Variants in GLRA2 observed in about 807,000 individuals in gnomAD.
GLRA2 encodes the protein glycine receptor alpha 2, also known as glycine receptor subunit alpha-2.
A neutral mutation model predicts 31.6 loss-of-function variants in GLRA2; 11 were observed. The ratio of observed to expected loss-of-function variants is 0.35; its 90% CI spans 0.22 to 0.58. The LOEUF (loss-of-function observed/expected upper bound fraction) is 0.58. Among genes scored for constraint, GLRA2 ranks in the 20% least tolerant of loss-of-function variants. The probability of loss-of-function intolerance (pLI) is 0.84; values close to 1 mark genes in which losing one functional copy is unlikely to be tolerated. For missense variants in GLRA2, 212 were observed against 351.8 expected, an observed-to-expected ratio of 0.60 and a Z score of 3.18; for synonymous variants, 132 against 134.0, an observed-to-expected ratio of 0.99 and a Z score of 0.10.
chrX:14,523,176 C>A, the GLRA2 span, among the ~76,000 whole-genome samples: 1 of 112,151 alleles, frequency 8.9e-6, no homozygotes, highest in Non-Finnish European at 1.9e-5. Context: ...TACTCGAGCA[C>A]GTTGCATTTT....
At chrX:14,700,359 T>G (rs1245390574) in intron 8 of GLRA2, among the ~76,000 whole-genome samples, 1 of 108,491 alleles carries the variant, frequency 9.2e-6, no homozygotes. Flanking sequence ...GGGAAGGCAG[T>G]GTAAGGGAAG....
intron 4 of GLRA2, among the ~76,000 whole-genome samples, chrX:14,583,800 A>C (rs1338409571): frequency 1.8e-5 from 2 of 111,714 alleles, no homozygotes; most frequent in African/African-American, 3.2e-5. Flanking sequence ...ACACCATGGA[A>C]TACTACACAG....
intron 7 of GLRA2, among the ~76,000 whole-genome samples, chrX:14,682,605 G>T (rs958398855): frequency 9.1e-6 from 1 of 109,876 alleles, no homozygotes; most frequent in Non-Finnish European, 1.9e-5. Flanking sequence ...CAACGTGCAG[G>T]TTTGTTACAT....
chrX:14,656,044 CCTA>C (rs2090936552), intron 7 of GLRA2, among the ~76,000 whole-genome samples: 1 of 112,035 alleles, frequency 8.9e-6, no homozygotes, highest in Non-Finnish European at 1.9e-5. Flanking sequence ...CTGTCCCAGA[CCTA>C]CTGCATCACA....
At chrX:14,494,629 C>T in the GLRA2 span, among the ~76,000 whole-genome samples, 1 of 111,310 alleles carries the variant, frequency 9.0e-6, no homozygotes, top group South Asian at 3.8e-4. Flanking sequence ...TGAGGTGTTT[C>T]CTACGACTAG....
At chrX:14,535,471 GACATTCTTAGAA>G (rs1440166083) in intron 2 of GLRA2, among the ~76,000 whole-genome samples, 12 of 111,959 alleles carry the variant, frequency 1.1e-4, no homozygotes, top group Admixed American at 2.8e-4. Context: ...GTAATTGAGA[GACATTCTTAGAA>G]ACTACAGGGA....
At chrX:14,564,002 A>T (rs7474383) in intron 2 of GLRA2, among the ~76,000 whole-genome samples, 1 of 111,479 alleles carries the variant, frequency 9.0e-6, no homozygotes, top group Non-Finnish European at 1.9e-5. Context: ...ACATTCTAGA[A>T]GTTCCAGAAG....
the GLRA2 span, among the ~76,000 whole-genome samples, chrX:14,522,457 A>C: frequency 2.4e-3 from 271 of 112,011 alleles, no homozygotes; most frequent in African/African-American, 8.3e-3. Flanking sequence ...ACTCTTGTTG[A>C]CATTTTGACA....
At chrX:14,484,225 A>G in the GLRA2 span, among the ~76,000 whole-genome samples, 2 of 112,226 alleles carry the variant, frequency 1.8e-5, no homozygotes, top group Admixed American at 1.9e-4. Flanking sequence ...CACTAATTTT[A>G]CAAATTTCAA....
At chrX:14,644,752 G>A (rs1188056718) in intron 7 of GLRA2, among the ~76,000 whole-genome samples, 1 of 111,858 alleles carries the variant, frequency 8.9e-6, no homozygotes, top group Admixed American at 9.5e-5. Context: ...CTACCTAAAC[G>A]AGTGGTTCTA....
the GLRA2 span, among the ~76,000 whole-genome samples, chrX:14,510,093 G>A: frequency 9.0e-6 from 1 of 111,458 alleles, no homozygotes; most frequent in Non-Finnish European, 1.9e-5. Flanking sequence ...TTTATTAAAG[G>A]GACTGTATAT....
intron 7 of GLRA2, among the ~76,000 whole-genome samples, chrX:14,652,523 T>A (rs1411038753): frequency 8.9e-6 from 1 of 112,029 alleles, no homozygotes; most frequent in Non-Finnish European, 1.9e-5. Flanking sequence ...GTGCTCACTT[T>A]TTCTCTGTGT....
In GLRA2 at chrX:14,712,506, G is replaced by GA. The variant is rs3216384; in HGVS notation, c.1081-17689dup. On this transcript the variant is annotated intron_variant, in intron 8 of 8. Transcript: ENST00000218075. ...TACATTAAGATAATCACTCTTAATTGAAAAAAAAAAAACTATAGTTGCTTG... is the reference window on the plus strand; with the variant it reads ...TACATTAAGATAATCACTCTTAATTGAAAAAAAAAAAAACTATAGTTGCTTG... Among the ~76,000 whole-genome samples the GA allele has an allele frequency of 7.3e-3, 733 of 100,825 alleles. 6 individuals are homozygous for GA. The highest frequency in any genetic ancestry group is 0.037 in the Admixed American group (348 of 9,375). The allele number at this position is 100,825 out of a possible 115,157, so 87.6% of individuals were successfully genotyped here. A position where few individuals can be genotyped will look rare whatever the true frequency, so the allele number is the denominator to read the frequency against.
At chrX:14,663,008 G>A (rs2091006712) in intron 7 of GLRA2, among the ~76,000 whole-genome samples, 1 of 111,316 alleles carries the variant, frequency 9.0e-6, no homozygotes, top group Non-Finnish European at 1.9e-5. Context: ...ACTAGTAGTA[G>A]TAGATTTTTC....
chrX:14,654,817 T>G (rs1457964810), intron 7 of GLRA2, among the ~76,000 whole-genome samples: 1 of 111,795 alleles, frequency 8.9e-6, no homozygotes, highest in East Asian at 2.8e-4. Flanking sequence ...CAGTTCCACA[T>G]GGCTGGGGAG....
At chrX:14,593,286 A>G (rs1296914815) in intron 4 of GLRA2, among the ~76,000 whole-genome samples, 2 of 112,253 alleles carry the variant, frequency 1.8e-5, no homozygotes, top group African/African-American at 6.5e-5. Flanking sequence ...TAAAATTACA[A>G]ACCAACATCT....
At chrX:14,687,651 C>G (rs2091294960) in intron 7 of GLRA2, among the ~76,000 whole-genome samples, 1 of 112,221 alleles carries the variant, frequency 8.9e-6, no homozygotes, top group Admixed American at 9.4e-5. Flanking sequence ...GTTTTCAGCT[C>G]TATCAGGTCA....
chrX:14,517,520 G>C, the GLRA2 span, among the ~76,000 whole-genome samples: 1 of 111,459 alleles, frequency 9.0e-6, no homozygotes, highest in Admixed American at 9.5e-5. Context: ...AAGCAAAGAG[G>C]GGAAAGCCCC....
the GLRA2 span, among the ~76,000 whole-genome samples, chrX:14,475,718 A>G: frequency 9.0e-6 from 1 of 111,566 alleles, no homozygotes; most frequent in Non-Finnish European, 1.9e-5. Context: ...ACACACATAT[A>G]TGTAAAGACA....
Sources: allele counts gnomAD v4.1 joint callset (sites outside exome capture counted in the v4.1 genomes callset), GRCh38; gene constraint gnomAD v4.1.1; transcripts MANE v1.5; gene names NCBI Gene and HGNC (gene_info 2026-07-23, HGNC 2026-07-21).